PLEKHG5: variants seen among roughly 807,000 people sequenced by gnomAD.
The protein encoded by PLEKHG5 is pleckstrin homology domain-containing family G member 5.
A neutral mutation model predicts 103.8 loss-of-function variants in PLEKHG5; 52 were observed. That is an observed-to-expected ratio of 0.50 (90% CI 0.40 to 0.63). PLEKHG5 has a LOEUF of 0.63. PLEKHG5 is among the 30% of genes least tolerant of loss of function. PLEKHG5 has a pLI of 0.00. For synonymous variants in PLEKHG5, 592 were observed against 575.5 expected, an observed-to-expected ratio of 1.03 and a Z score of -0.41; for missense variants, 1,205 against 1,347.6, an observed-to-expected ratio of 0.89 and a Z score of 1.66.
intron 1 of PLEKHG5, among the ~76,000 whole-genome samples, chr1:6,510,805 G>T (rs1360566028): frequency 6.6e-6 from 1 of 152,040 alleles, no homozygotes; most frequent in Non-Finnish European, 1.5e-5. Context: ...AACAATTCTG[G>T]GCTGGGCACA....
rs1645039486 is a variant in PLEKHG5 at position 6,486,429 on chromosome 1, CT to C, written c.-88+5207del. On this transcript the variant is annotated intron_variant, in intron 1 of 20. Transcript: ENST00000377728. The surrounding 1 kb of genome is among the most constrained non-coding windows in gnomAD (Gnocchi z 5.3). The stretch of plus-strand genomic sequence containing the variant: ...AGAGCCTGAGCCCCAGGGACACCCC[CT>C]CACACCGACTGCTCACTGCCCAGGT... Among the ~76,000 whole-genome samples, 1 of 152,224 alleles carries C rather than the reference CT, an allele frequency of 6.6e-6. No individual in the cohort carries two copies. The highest frequency in any genetic ancestry group is 1.5e-5 in the Non-Finnish European group (1 of 68,040).
chr1:6,494,902 T>A (rs958913884), upstream of PLEKHG5, among the ~76,000 whole-genome samples: 1 of 152,166 alleles, frequency 6.6e-6, no homozygotes, highest in Non-Finnish European at 1.5e-5. Context: ...TGTGCCAAGT[T>A]CCAGGCAGGC....
At chr1:6,498,289 G>A (rs532370647), upstream of PLEKHG5, among the ~76,000 whole-genome samples, 1 of 152,184 alleles carries the variant, frequency 6.6e-6, no homozygotes, top group South Asian at 2.1e-4. Context: ...AAGGCTAAGG[G>A]TGGACTTCCC....
At chr1:6,498,181 C>T (rs1442513967), upstream of PLEKHG5, among the ~76,000 whole-genome samples, 2 of 152,186 alleles carry the variant, frequency 1.3e-5, no homozygotes, top group East Asian at 3.9e-4. Context: ...TGCCTCTGGA[C>T]CCCCAGCCCA....
chr1:6,500,540 C>A (rs919400980), upstream of PLEKHG5, among the ~76,000 whole-genome samples: 2 of 151,076 alleles, frequency 1.3e-5, no homozygotes, highest in African/African-American at 4.9e-5. Flanking sequence ...GCTAAGCAAA[C>A]CTGGAACCCT....
At position 6,468,226 on chromosome 1, in the gene PLEKHG5, C is replaced by G; in HGVS notation, c.2610G>C (p.Pro870=). 1 of 1,589,390 alleles carries G rather than the reference C, an allele frequency of 6.3e-7. No homozygotes were observed. Among genetic ancestry groups the G allele is most frequent in the Non-Finnish European group, 8.6e-7 (1 of 1,165,268 alleles). The change falls in exon 20 of 21, where the codon CCG becomes CCC. Residue 870 remains proline (P), a synonymous_variant. Transcript: ENST00000377728. ...RRTPVQLLSC[P]PHLLKSKSEA... ...CGGACTTAGACTTGAGCAGGTGGGG[C>G]GGGCAGCTCAACAGCTGGACAGGGG... is the stretch of plus-strand genomic sequence containing the variant.
At chr1:6,511,319 G>A (rs983587505) in intron 1 of PLEKHG5, among the ~76,000 whole-genome samples, 2 of 152,144 alleles carry the variant, frequency 1.3e-5, no homozygotes, top group Admixed American at 1.3e-4. Context: ...CTGCTGGGGT[G>A]GGGGATGGAC....
chr1:6,501,426 C>T (rs988865579), upstream of PLEKHG5, among the ~76,000 whole-genome samples: 3 of 152,190 alleles, frequency 2.0e-5, no homozygotes, highest in Non-Finnish European at 2.9e-5. This position sits in a 1 kb window ranked among gnomAD's most constrained non-coding sequence, Gnocchi z 4.3. Flanking sequence ...TCCAGGTGAA[C>T]GTGTCCTTGC....
At chr1:6,497,333 C>T (rs1217260497), upstream of PLEKHG5, 6 of 1,000,096 alleles carry the variant, frequency 6.0e-6, no homozygotes, top group South Asian at 1.9e-4. This position sits in a 1 kb window ranked among gnomAD's most constrained non-coding sequence, Gnocchi z 6.1. Flanking sequence ...TGGAGCAGGC[C>T]CCGTGCCGCG....
At chr1:6,497,400 A>G (rs549207658), upstream of PLEKHG5, 1,070 of 1,013,886 alleles carry the variant, frequency 1.1e-3, 20 homozygotes, top group African/African-American at 0.018. This position sits in a 1 kb window ranked among gnomAD's most constrained non-coding sequence, Gnocchi z 6.1. Context: ...GAGGCCGCAG[A>G]GCCGCCGCCG....
chr1:6,471,365 TCAAGTGCGGTTACGGGCC>T, intron 12 of PLEKHG5, 105 bp downstream of exon 12: 1 of 1,153,906 alleles, frequency 8.7e-7, no homozygotes. Flanking sequence ...CCACAAGGGG[TCAAGTGCGGTTACGGGCC>T]TGGGGGAGGT....
At position 6,469,545 on chromosome 1, in the gene PLEKHG5, A is replaced by G. The variant is rs150807400; in HGVS notation, c.1932T>C (p.Pro644=). The change falls in exon 17 of 21, where the codon CCT becomes CCC. Residue 644 remains proline (P), a splice_region_variant and synonymous_variant. Transcript: ENST00000377728. ...GAACAGGGGACCAGGGCTCCTTACC[A>G]GGGTCCCGTAGCTCCCGGCACACAA... ...DKIVCRELRD[P]GSFLLIYLNE... 2.6e-4 allele frequency: 418 copies of G among 1,613,846 alleles called. No homozygotes were observed. The African/African-American group carries it at 5.1e-3, about 20-fold the overall frequency.
At position 6,467,330 on chromosome 1, in the gene PLEKHG5, G is replaced by C. The variant is rs1318979154; in HGVS notation, c.*233C>G. 2 of 638,870 alleles carry C rather than the reference G, an allele frequency of 3.1e-6. No homozygotes were observed. The highest frequency in any genetic ancestry group is 4.5e-5 in the Admixed American group (2 of 44,634). 39.6% of individuals were successfully genotyped at this position (638,870 alleles called of 1,614,324 possible). A position where few individuals can be genotyped will look rare whatever the true frequency, so the allele number is the denominator to read the frequency against. On this transcript the variant is annotated 3_prime_UTR_variant, in exon 21 of 21. Transcript: ENST00000377728. ...ACTCGAGCTGAGCTGGTAACTTCGG[G>C]GAGTAGGTGACGAGGGGCTGCCTGG... is the stretch of plus-strand genomic sequence containing the variant.
At chr1:6,516,360 T>A (rs1306614697) in intron 1 of PLEKHG5, among the ~76,000 whole-genome samples, 1 of 152,130 alleles carries the variant, frequency 6.6e-6, no homozygotes, top group Non-Finnish European at 1.5e-5. Flanking sequence ...CGTGAAGCCA[T>A]TAAAAAGGAT....
intron 15 of PLEKHG5, 48 bp downstream of exon 15, chr1:6,470,458 G>A: frequency 6.2e-7 from 1 of 1,611,268 alleles, no homozygotes. Flanking sequence ...CTGCCAGCTG[G>A]GCCTTCCTCT....
At chr1:6,513,582 C>T (rs1292060135) in intron 1 of PLEKHG5, among the ~76,000 whole-genome samples, 3 of 152,262 alleles carry the variant, frequency 2.0e-5, no homozygotes, top group East Asian at 3.8e-4. Flanking sequence ...CTGGCCACTG[C>T]AGACTTTTAA....
At position 6,470,521 on chromosome 1, in the gene PLEKHG5, G is replaced by A; in HGVS notation, c.1665C>T (p.Ser555=). Residue 555 remains serine (S), a synonymous_variant, in exon 15 of 21, where the codon AGC becomes AGT. Transcript: ENST00000377728. ...ACACGCCCACCTTGTCCACTTCGTC[G>A]CTGCTGCTTTCCACCACCTCGTAGG... ...IDAYEVVESS[S]DEVDKLLKEF... The A allele has an allele frequency of 6.2e-7, 1 of 1,609,546 alleles. No homozygotes were observed. Among genetic ancestry groups the A allele is most frequent in the African/African-American group, 1.3e-5 (1 of 75,004 alleles).
At chr1:6,476,886 T>C (rs1432110631) in intron 2 of PLEKHG5, among the ~76,000 whole-genome samples, 1 of 152,188 alleles carries the variant, frequency 6.6e-6, no homozygotes, top group African/African-American at 2.4e-5. Flanking sequence ...TCCGAGCAGC[T>C]GGGACCACAA....
chr1:6,496,707 T>A, upstream of PLEKHG5: 1 of 606,730 alleles, frequency 1.6e-6, no homozygotes, highest in Non-Finnish European at 2.8e-6. Context: ...CTTTCTCTTT[T>A]AAATGCCAAC....
Sources: allele counts gnomAD v4.1 joint callset (sites outside exome capture counted in the v4.1 genomes callset), GRCh38; gene constraint gnomAD v4.1.1; non-coding constraint Gnocchi (gnomAD v3.1); transcripts MANE v1.5; gene names NCBI Gene and HGNC (gene_info 2026-07-23, HGNC 2026-07-21).